The following MARCHF11 variants were observed in gnomAD, a reference collection of about 807,000 sequenced individuals.
MARCHF11 encodes E3 ubiquitin-protein ligase MARCHF11.
MARCHF11 carries 29 observed loss-of-function variants against 37.3 expected under a neutral mutation model. The ratio of observed to expected loss-of-function variants is 0.78; its 90% confidence interval spans 0.58 to 1.06. The LOEUF is 1.06. MARCHF11 is among the 50% of genes least tolerant of loss of function. The probability of loss-of-function intolerance (pLI) is 0.00; values close to 1 mark genes in which losing one functional copy is unlikely to be tolerated. For synonymous variants in MARCHF11, 233 were observed against 228.0 expected (o/e 1.02, Z -0.20); for missense variants, 482 against 533.4 (o/e 0.90, Z 0.95).
chr5:16,114,821 G>A (rs950796914), intron 2 of MARCHF11, among the ~76,000 whole-genome samples: 11 of 151,924 alleles, frequency 7.2e-5, no homozygotes, highest in African/African-American at 2.2e-4. Context: ...AAGAAGAAAC[G>A]GCTACCATAA....
At chr5:16,158,777 TG>T (rs1738025402) in intron 2 of MARCHF11, among the ~76,000 whole-genome samples, 1 of 151,952 alleles carries the variant, frequency 6.6e-6, no homozygotes, top group South Asian at 2.1e-4. Flanking sequence ...AAGTGTGCCA[TG>T]GTGGTTTGCT....
chr5:16,126,424 A>T (rs1737408450), intron 2 of MARCHF11, among the ~76,000 whole-genome samples: 1 of 152,208 alleles, frequency 6.6e-6, no homozygotes, highest in South Asian at 2.1e-4. Context: ...TTTTTAACAC[A>T]TGAATTATTT....
At chr5:16,079,166 T>C (rs79783310) in intron 3 of MARCHF11, among the ~76,000 whole-genome samples, 3 of 152,098 alleles carry the variant, frequency 2.0e-5, no homozygotes, top group Non-Finnish European at 4.4e-5. Flanking sequence ...TGCCCTCTAC[T>C]ATTCATCCTT....
chr5:16,160,950 C>G (rs1159545329), intron 2 of MARCHF11, among the ~76,000 whole-genome samples: 1 of 151,944 alleles, frequency 6.6e-6, no homozygotes, highest in East Asian at 1.9e-4. Flanking sequence ...GCTCTTCTGA[C>G]GTCTAACTGA....
At chr5:16,106,093 A>G (rs902772494) in intron 2 of MARCHF11, among the ~76,000 whole-genome samples, 1 of 152,154 alleles carries the variant, frequency 6.6e-6, no homozygotes, top group Non-Finnish European at 1.5e-5. Flanking sequence ...AATGCAAGCT[A>G]AAACAATTTA....
intron 2 of MARCHF11, among the ~76,000 whole-genome samples, chr5:16,118,324 T>C (rs189662706): frequency 3.3e-5 from 5 of 152,308 alleles, no homozygotes; most frequent in Non-Finnish European, 5.9e-5. Flanking sequence ...TGATGTCTCC[T>C]TCACTGCTGG....
chr5:16,101,441 T>C (rs1002055754), intron 2 of MARCHF11, among the ~76,000 whole-genome samples: 2 of 152,232 alleles, frequency 1.3e-5, no homozygotes, highest in African/African-American at 4.8e-5. Flanking sequence ...TCAGTTTTAA[T>C]TGTGTCTCAT....
At chr5:16,150,510 C>A (rs747198309) in intron 2 of MARCHF11, among the ~76,000 whole-genome samples, 4 of 149,598 alleles carry the variant, frequency 2.7e-5, no homozygotes, top group Non-Finnish European at 5.9e-5. Flanking sequence ...TTGGGATCTA[C>A]AAACAGGTTT....
At chr5:16,169,226 G>A (rs1303007186) in intron 2 of MARCHF11, among the ~76,000 whole-genome samples, 1 of 151,902 alleles carries the variant, frequency 6.6e-6, no homozygotes, top group Non-Finnish European at 1.5e-5. Flanking sequence ...AGTGCCAGGA[G>A]GGTTCCTGGA....
intron 3 of MARCHF11, among the ~76,000 whole-genome samples, chr5:16,083,330 A>G (rs1203710485): frequency 6.6e-6 from 1 of 152,206 alleles, no homozygotes; most frequent in African/African-American, 2.4e-5. Flanking sequence ...CATAAGCCCT[A>G]AAGTCTTCAG....
At position 16,151,649 on chromosome 5, in the gene MARCHF11, A is replaced by ATGTGTGTGTGTGTG. The variant is rs58891017; in HGVS notation, c.693+26063_693+26076dup. Reference sequence around the variant, plus strand: ...GTGTGTGTGTGCATGCGTGAGTTGAATGTGTGTGTGTGTGTGTGTGTGTGT... The same window carrying ATGTGTGTGTGTGTG: ...GTGTGTGTGTGCATGCGTGAGTTGAATGTGTGTGTGTGTGTGTGTGTGTGTGTGTGTGTGTGTGT... On this transcript the variant is annotated intron_variant, in intron 2 of 3. Transcript: ENST00000332432. Among the ~76,000 whole-genome samples, 275 of 131,496 alleles carry ATGTGTGTGTGTGTG rather than the reference A, an allele frequency of 2.1e-3. 5 individuals carry two copies. Among genetic ancestry groups the ATGTGTGTGTGTGTG allele is most frequent in the Middle Eastern group, 3.8e-3 (1 of 264 alleles). 86.3% of individuals were successfully genotyped at this position (131,496 alleles called of 152,430 possible). A position where few individuals can be genotyped will look rare whatever the true frequency, so the allele number is the denominator to read the frequency against.
At chr5:16,070,583 G>A (rs181088549) in intron 3 of MARCHF11, among the ~76,000 whole-genome samples, 2 of 152,228 alleles carry the variant, frequency 1.3e-5, no homozygotes, top group Admixed American at 6.5e-5. Context: ...TCCTTTGCAA[G>A]GCCAGAAATC....
chr5:16,086,078 T>C (rs1401171045), intron 3 of MARCHF11, among the ~76,000 whole-genome samples: 1 of 150,820 alleles, frequency 6.6e-6, no homozygotes, highest in African/African-American at 2.4e-5. Flanking sequence ...AAGGCAAAAA[T>C]TGGTAACAAC....
At chr5:16,161,287 T>C (rs1313517685) in intron 2 of MARCHF11, among the ~76,000 whole-genome samples, 1 of 148,714 alleles carries the variant, frequency 6.7e-6, no homozygotes. Context: ...AAGGCCTCCA[T>C]GGAGAGTACT....
chr5:16,165,791 T>C (rs1347020416), intron 2 of MARCHF11, among the ~76,000 whole-genome samples: 1 of 152,092 alleles, frequency 6.6e-6, no homozygotes, highest in Non-Finnish European at 1.5e-5. Flanking sequence ...TAGAATTTGC[T>C]AGCCTTCTCG....
intron 2 of MARCHF11, among the ~76,000 whole-genome samples, chr5:16,125,419 T>C (rs1025489678): frequency 6.6e-6 from 1 of 152,174 alleles, no homozygotes; most frequent in African/African-American, 2.4e-5. Context: ...CTCTATGCGA[T>C]AAAGAGTCCC....
chr5:16,127,400 G>T (rs1362938759), intron 2 of MARCHF11, among the ~76,000 whole-genome samples: 1 of 152,132 alleles, frequency 6.6e-6, no homozygotes, highest in African/African-American at 2.4e-5. Context: ...TTCCAGGGGG[G>T]ATATCTACAA....
At chr5:16,159,649 T>C (rs1031606123) in intron 2 of MARCHF11, among the ~76,000 whole-genome samples, 6 of 152,012 alleles carry the variant, frequency 3.9e-5, no homozygotes, top group Non-Finnish European at 7.4e-5. Flanking sequence ...ATTATTTCTA[T>C]CTCTTCTTTT....
At chr5:16,131,647 C>T (rs943628898) in intron 2 of MARCHF11, among the ~76,000 whole-genome samples, 1 of 152,160 alleles carries the variant, frequency 6.6e-6, no homozygotes, top group Non-Finnish European at 1.5e-5. Flanking sequence ...AGCCGCTCAG[C>T]CCCTCTGGGA....
Sources: allele counts gnomAD v4.1 joint callset (sites outside exome capture counted in the v4.1 genomes callset), GRCh38; gene constraint gnomAD v4.1.1; transcripts MANE v1.5; gene names NCBI Gene and HGNC (gene_info 2026-07-23, HGNC 2026-07-21).